The following TSPAN15 variants were observed in gnomAD, a reference collection of about 807,000 sequenced individuals.
The protein encoded by TSPAN15 is tetraspanin-15.
A neutral mutation model predicts 34.5 loss-of-function variants in TSPAN15; 20 were observed. That is an observed-to-expected ratio of 0.58 (90% CI 0.41 to 0.84). The LOEUF is 0.84. Among genes scored for constraint, TSPAN15 ranks in the 40% least tolerant of loss-of-function variants. TSPAN15 has a pLI of 0.00. For missense variants in TSPAN15, 313 were observed against 386.1 expected (o/e 0.81, Z 1.59); for synonymous variants, 155 against 153.9 (o/e 1.01, Z -0.05).
the TSPAN15 span, among the ~76,000 whole-genome samples, chr10:69,533,860 C>G: frequency 6.6e-6 from 1 of 152,054 alleles, no homozygotes; most frequent in Non-Finnish European, 1.5e-5. Context: ...TAGATAGTGT[C>G]AGAATTGAAT....
chr10:69,497,856 T>C (rs1842119416), intron 4 of TSPAN15, among the ~76,000 whole-genome samples: 1 of 152,112 alleles, frequency 6.6e-6, no homozygotes, highest in South Asian at 2.1e-4. Flanking sequence ...ACGGGGTGGC[T>C]CCTAGGGTGG....
chr10:69,535,445 A>G, the TSPAN15 span, among the ~76,000 whole-genome samples: 1 of 152,156 alleles, frequency 6.6e-6, no homozygotes, highest in South Asian at 2.1e-4. Flanking sequence ...CCACAAACCA[A>G]TTTGTCTTTT....
the TSPAN15 span, among the ~76,000 whole-genome samples, chr10:69,542,205 G>T: frequency 6.6e-6 from 1 of 152,150 alleles, no homozygotes; most frequent in African/African-American, 2.4e-5. Flanking sequence ...GCATAGCAAG[G>T]GTGGCCTTTA....
downstream of TSPAN15, among the ~76,000 whole-genome samples, chr10:69,509,315 A>C (rs1375529603): frequency 6.6e-6 from 1 of 152,168 alleles, no homozygotes; most frequent in Non-Finnish European, 1.5e-5. Context: ...GCAGACACTC[A>C]TCTCCTCTTT....
At position 69,483,785 on chromosome 10, in the gene TSPAN15, T is replaced by C. The variant is rs781383438; in HGVS notation, c.191T>C (p.Ile64Thr). ...GAAAGTGCCTTCCTGGCTCCAGCCA[T>C]CATCCTCATCCTCCTGGGCGTCGTC... The part of the protein sequence containing the change: ...TLESAFLAPA[I>T]ILILLGVVMF... Residue 64 changes from isoleucine to threonine, a missense_variant, in exon 2 of 8, where the codon ATC becomes ACC. Transcript: ENST00000373290. 6.2e-7 allele frequency: 1 copy of C among 1,614,192 alleles called. No individual in the cohort carries two copies. Among genetic ancestry groups the C allele is most frequent in the Non-Finnish European group, 8.5e-7 (1 of 1,180,028 alleles).
chr10:69,487,524 G>A (rs879162348), intron 3 of TSPAN15, among the ~76,000 whole-genome samples: 17 of 151,774 alleles, frequency 1.1e-4, no homozygotes, highest in Admixed American at 5.9e-4. Flanking sequence ...CAGAGCTCCC[G>A]GCCGCCCTGA....
chr10:69,490,012 C>T (rs569508052), intron 3 of TSPAN15, among the ~76,000 whole-genome samples: 2 of 152,320 alleles, frequency 1.3e-5, no homozygotes, highest in Non-Finnish European at 2.9e-5. Flanking sequence ...TGAGCTTGGA[C>T]ACCTGGAGGG....
intron 3 of TSPAN15, among the ~76,000 whole-genome samples, chr10:69,490,189 C>A (rs1267797940): frequency 6.6e-6 from 1 of 152,172 alleles, no homozygotes; most frequent in Non-Finnish European, 1.5e-5. Flanking sequence ...TGGCTCTGGG[C>A]ACAACCTTGA....
At chr10:69,499,532 TATTCATTC>T (rs543895631) in intron 5 of TSPAN15, among the ~76,000 whole-genome samples, 3 of 152,124 alleles carry the variant, frequency 2.0e-5, no homozygotes, top group Non-Finnish European at 4.4e-5. Context: ...GCCAAACTTG[TATTCATTC>T]ATTCATTCAT....
chr10:69,521,361 T>A, the TSPAN15 span, among the ~76,000 whole-genome samples: 1 of 144,728 alleles, frequency 6.9e-6, no homozygotes, highest in Admixed American at 7.2e-5. Context: ...AATACAAAAA[T>A]TAGCCAGGTG....
chr10:69,504,504 C>T lies in TSPAN15; in HGVS notation c.618+19C>T. ...CAAGGAGGTAATGTCTTTGAAATGC[C>T]TTTCCCTGGAAATGTTGCTCTTCCT... On this transcript the variant is annotated intron_variant, in intron 6 of 7. Coordinates refer to ENST00000373290, the MANE Select transcript of TSPAN15 (RefSeq NM_012339.5). The T allele has an allele frequency of 1.2e-6, 2 of 1,613,706 alleles. No individual in the cohort carries two copies. The highest frequency in any genetic ancestry group is 1.7e-6 in the Non-Finnish European group (2 of 1,179,626).
At chr10:69,532,764 C>G in the TSPAN15 span, among the ~76,000 whole-genome samples, 8 of 152,146 alleles carry the variant, frequency 5.3e-5, no homozygotes, top group Non-Finnish European at 1.2e-4. Flanking sequence ...GGGAGAAAAT[C>G]TTCACAATCT....
intron 1 of TSPAN15, among the ~76,000 whole-genome samples, chr10:69,467,666 ACACACAC>A (rs1564601455): frequency 2.1e-4 from 31 of 150,976 alleles, no homozygotes; most frequent in Non-Finnish European, 4.1e-4. Flanking sequence ...ACACACACAC[ACACACAC>A]ACCTCTTCTT....
the TSPAN15 span, among the ~76,000 whole-genome samples, chr10:69,521,046 C>G: frequency 1.3e-5 from 2 of 151,482 alleles, no homozygotes; most frequent in Non-Finnish European, 2.9e-5. Context: ...ATGTGTCAAC[C>G]TGACTGGGCT....
At chr10:69,480,220 CAGACTACCTT>C (rs1832809821) in intron 1 of TSPAN15, among the ~76,000 whole-genome samples, 1 of 152,034 alleles carries the variant, frequency 6.6e-6, no homozygotes, top group South Asian at 2.1e-4. Context: ...GTTTCCAAAG[CAGACTACCTT>C]AACTCAGAAG....
At chr10:69,494,976 C>T (rs969496473) in intron 3 of TSPAN15, 18 of 674,316 alleles carry the variant, frequency 2.7e-5, no homozygotes, top group Non-Finnish European at 3.3e-5. Flanking sequence ...CAGGGATTGT[C>T]CCAGCCCTAG....
intron 1 of TSPAN15, among the ~76,000 whole-genome samples, chr10:69,466,154 C>T (rs750522402): frequency 6.6e-6 from 1 of 152,202 alleles, no homozygotes; most frequent in Admixed American, 6.5e-5. Flanking sequence ...GAAATGCATC[C>T]TTTAATTTTT....
intron 2 of TSPAN15, chr10:69,484,142 C>T: frequency 2.7e-6 from 1 of 374,988 alleles, no homozygotes; most frequent in Non-Finnish European, 4.8e-6. Flanking sequence ...AAACCACACT[C>T]AAATGAGAGC....
chr10:69,451,621 GCGC>G lies in TSPAN15; in HGVS notation c.28_30del (p.Arg10del). 6.5e-7 allele frequency: 1 copy of G among 1,529,522 alleles called. No individual in the cohort carries two copies. The highest frequency in any genetic ancestry group is 8.8e-7 in the Non-Finnish European group (1 of 1,136,012). The allele number at this position is 1,529,522 out of a possible 1,614,324, so 94.7% of individuals were successfully genotyped here. On this transcript the variant is annotated inframe_deletion, in exon 1 of 8. Coordinates refer to ENST00000373290, the MANE Select transcript of TSPAN15 (RefSeq NM_012339.5). ...TGCCGCGCGGGGACTCGGAGCAGGT[GCGC>G]TACTGCGCGCGCTTCTCCTACCTCT... is the stretch of plus-strand genomic sequence containing the variant.
Sources: gnomAD v4.1 joint callset for allele counts (sites outside exome capture counted in the v4.1 genomes callset) on GRCh38, gnomAD v4.1.1 for gene constraint, MANE v1.5 for transcripts, NCBI Gene and HGNC (gene_info 2026-07-23, HGNC 2026-07-21) for gene names.